Variants in SCFD2 observed in about 807,000 individuals in gnomAD.
SCFD2 encodes the protein sec1 family domain-containing protein 2.
SCFD2 carries 54 observed loss-of-function variants against 58.9 expected under a neutral mutation model. The observed-to-expected ratio is 0.92, with a 90% CI of 0.74 to 1.15. The LOEUF (loss-of-function observed/expected upper bound fraction) is 1.15, where lower values mean the gene tolerates loss of function less well. Among genes scored for constraint, SCFD2 ranks in the 50% most tolerant of loss-of-function variants. SCFD2 has a pLI of 0.00. For missense variants in SCFD2, 805 were observed against 836.6 expected, an observed-to-expected ratio of 0.96 and a Z score of 0.47; for synonymous variants, 321 against 335.9, an observed-to-expected ratio of 0.96 and a Z score of 0.49.
intron 5 of SCFD2, among the ~76,000 whole-genome samples, chr4:52,960,342 T>A (rs1720815364): frequency 6.6e-6 from 1 of 150,902 alleles, no homozygotes; most frequent in African/African-American, 2.4e-5. Context: ...TGCTGATGTT[T>A]CCGCAGAGAG....
chr4:52,914,274 AG>A (rs1719553388), intron 6 of SCFD2, among the ~76,000 whole-genome samples: 1 of 152,196 alleles, frequency 6.6e-6, no homozygotes, highest in African/African-American at 2.4e-5. Context: ...GGCTTCTCTG[AG>A]TATAATGATT....
chr4:52,921,604 C>A (rs1189971570), intron 5 of SCFD2, among the ~76,000 whole-genome samples: 6 of 152,192 alleles, frequency 3.9e-5, no homozygotes, highest in African/African-American at 1.4e-4. Flanking sequence ...GAGGCAGGAA[C>A]TATTGTCTCC....
intron 5 of SCFD2, among the ~76,000 whole-genome samples, chr4:53,043,264 A>C (rs1172682779): frequency 6.6e-6 from 1 of 152,196 alleles, no homozygotes; most frequent in African/African-American, 2.4e-5. Flanking sequence ...GTCAGTGACA[A>C]GTGAAAGAAA....
chr4:53,166,468 T>C (rs1186177863), intron 4 of SCFD2, among the ~76,000 whole-genome samples: 3 of 152,136 alleles, frequency 2.0e-5, no homozygotes, highest in African/African-American at 4.8e-5. Context: ...TCACTTCATG[T>C]GTTTGAAATG....
intron 4 of SCFD2, among the ~76,000 whole-genome samples, chr4:53,252,901 A>C (rs1730450372): frequency 6.6e-6 from 1 of 152,212 alleles, no homozygotes. Flanking sequence ...ATCTCATTAA[A>C]CTAAAGCGCT....
chr4:52,996,967 A>C (rs1043257853), intron 5 of SCFD2, among the ~76,000 whole-genome samples: 2 of 152,222 alleles, frequency 1.3e-5, no homozygotes, highest in Non-Finnish European at 2.9e-5. Context: ...TGTGCATCTA[A>C]AATACTCAGA....
chr4:53,229,525 AT>A (rs1729357342), intron 4 of SCFD2, among the ~76,000 whole-genome samples: 1 of 152,240 alleles, frequency 6.6e-6, no homozygotes, highest in Admixed American at 6.5e-5. Flanking sequence ...TGGGGAAAGG[AT>A]TCCCTATTTA....
At chr4:53,050,645 A>T (rs1723164531) in intron 5 of SCFD2, among the ~76,000 whole-genome samples, 1 of 152,150 alleles carries the variant, frequency 6.6e-6, no homozygotes, top group Non-Finnish European at 1.5e-5. Flanking sequence ...ATTCCAACCC[A>T]TTCTCCACAT....
At chr4:53,084,127 A>G (rs1195282260) in intron 5 of SCFD2, among the ~76,000 whole-genome samples, 1 of 152,134 alleles carries the variant, frequency 6.6e-6, no homozygotes, top group Non-Finnish European at 1.5e-5. Context: ...AGTAAGCCTG[A>G]GGGTTCTGCT....
chr4:53,230,416 T>C (rs1729396729), intron 4 of SCFD2, among the ~76,000 whole-genome samples: 1 of 152,064 alleles, frequency 6.6e-6, no homozygotes, highest in Admixed American at 6.6e-5. Flanking sequence ...ATGTGGCACA[T>C]ATACACCATG....
chr4:52,924,623 T>C (rs1053915570), intron 5 of SCFD2, among the ~76,000 whole-genome samples: 16 of 152,272 alleles, frequency 1.1e-4, no homozygotes, highest in Admixed American at 1.0e-3. Flanking sequence ...GGGCCAAAGG[T>C]GATTCATTTT....
intron 2 of SCFD2, among the ~76,000 whole-genome samples, chr4:53,318,555 C>A (rs1395424434): frequency 1.3e-5 from 2 of 152,054 alleles, no homozygotes; most frequent in Non-Finnish European, 2.9e-5. Context: ...TTATAATATT[C>A]CTGAGAAAAA....
chr4:53,229,034 AAT>A (rs1354543975), intron 4 of SCFD2, among the ~76,000 whole-genome samples: 4 of 152,164 alleles, frequency 2.6e-5, no homozygotes, highest in African/African-American at 9.7e-5. Flanking sequence ...CTTCAAAGAG[AAT>A]AAAAAACCTA....
chr4:52,913,043 G>T (rs1410518473), intron 6 of SCFD2, among the ~76,000 whole-genome samples: 2 of 152,164 alleles, frequency 1.3e-5, no homozygotes, highest in African/African-American at 4.8e-5. Flanking sequence ...TTGGGAGATT[G>T]GGAGAGGAAT....
At chr4:52,894,407 A>G (rs1718950780) in intron 7 of SCFD2, among the ~76,000 whole-genome samples, 1 of 152,188 alleles carries the variant, frequency 6.6e-6, no homozygotes, top group Non-Finnish European at 1.5e-5. Flanking sequence ...TAGAAAATAA[A>G]TTATTTTCAG....
chr4:53,208,338 T>C (rs964439934), intron 4 of SCFD2, among the ~76,000 whole-genome samples: 2 of 152,118 alleles, frequency 1.3e-5, no homozygotes, highest in African/African-American at 4.8e-5. Flanking sequence ...GCAAGTTTAT[T>C]GAGCGAAGTA....
At position 52,880,720 on chromosome 4, in the gene SCFD2, G is replaced by A. The variant is rs181183387; in HGVS notation, c.1962+5027C>T. Among the ~76,000 whole-genome samples the A allele has an allele frequency of 3.7e-3, 557 of 152,304 alleles. 4 individuals are homozygous for A. Among genetic ancestry groups the A allele is most frequent in the Admixed American group, 7.3e-3 (111 of 15,302 alleles). ...GTGCGGCAAGCACGTGCCTTGCTAC[G>A]AAAGCAGTGGATGGGGGTCAACTTT... On this transcript the variant is annotated intron_variant, in intron 8 of 8. Transcript: ENST00000401642.
chr4:53,001,100 A>T (rs1721856373), intron 5 of SCFD2, among the ~76,000 whole-genome samples: 1 of 152,230 alleles, frequency 6.6e-6, no homozygotes, highest in Non-Finnish European at 1.5e-5. Context: ...AATCAAAGCT[A>T]ACTGCAGTTA....
At chr4:53,035,777 T>C (rs1295108493) in intron 5 of SCFD2, among the ~76,000 whole-genome samples, 5 of 152,206 alleles carry the variant, frequency 3.3e-5, no homozygotes, top group Non-Finnish European at 7.3e-5. Flanking sequence ...CACAATGAGA[T>C]ACCATCTCAC....
Sources: allele counts gnomAD v4.1 joint callset (sites outside exome capture counted in the v4.1 genomes callset), GRCh38; gene constraint gnomAD v4.1.1; transcripts MANE v1.5; gene names NCBI Gene and HGNC (gene_info 2026-07-23, HGNC 2026-07-21).